DNAJB4: variants seen among roughly 807,000 people sequenced by gnomAD.
DNAJB4 encodes DnaJ heat shock protein family (Hsp40) member B4, also known as dnaJ homolog subfamily B member 4.
DNAJB4 carries 10 observed loss-of-function variants against 26.6 expected under a neutral mutation model. The ratio of observed to expected loss-of-function variants is 0.38; its 90% CI spans 0.23 to 0.64. DNAJB4 has a LOEUF of 0.64. Among genes scored for constraint, DNAJB4 ranks in the 30% least tolerant of loss-of-function variants. DNAJB4 has a pLI of 0.58. For synonymous variants in DNAJB4, 136 were observed against 134.8 expected (o/e 1.01, Z -0.06); for missense variants, 328 against 408.2 (o/e 0.80, Z 1.69).
chr1:77,988,015 ATGTG>A (rs1217967124), intron 1 of DNAJB4, among the ~76,000 whole-genome samples: 2 of 145,012 alleles, frequency 1.4e-5, no homozygotes, highest in Non-Finnish European at 3.0e-5. Flanking sequence ...TTATATATAT[ATGTG>A]TGTGTGTGTA....
intron 1 of DNAJB4, among the ~76,000 whole-genome samples, chr1:78,006,328 T>C (rs376592603): frequency 4.1e-4 from 62 of 152,338 alleles, no homozygotes; most frequent in Middle Eastern, 3.4e-3. Flanking sequence ...TAACTTGTAC[T>C]GTTTTGGGGA....
In DNAJB4 at chr1:77,988,029, A is replaced by AT. The variant is rs1166224217; in HGVS notation, c.-32+7710dup. Among the ~76,000 whole-genome samples, 507 of 116,796 alleles carry AT rather than the reference A, an allele frequency of 4.3e-3. 4 individuals carry two copies. The highest frequency in any genetic ancestry group is 5.2e-3 in the Non-Finnish European group (305 of 58,506). The allele number at this position is 116,796 out of a possible 152,430, so 76.6% of individuals were successfully genotyped here. A position where few individuals can be genotyped will look rare whatever the true frequency, so the allele number is the denominator to read the frequency against. On this transcript the variant is annotated intron_variant, in intron 1 of 2. Coordinates refer to the DNAJB4 transcript ENST00000426517. ...ATTATATATATATGTGTGTGTGTGT[A>AT]TTTCCCCCCCCCCCCAGACAGTGTC... is the stretch of plus-strand genomic sequence containing the variant.
intron 1 of DNAJB4, among the ~76,000 whole-genome samples, chr1:77,998,388 A>G (rs1557505491): frequency 6.6e-6 from 1 of 152,248 alleles, no homozygotes; most frequent in Non-Finnish European, 1.5e-5. Flanking sequence ...AACTACTGTC[A>G]TTGCCTAAAA....
intron 1 of DNAJB4, among the ~76,000 whole-genome samples, chr1:77,995,939 C>T (rs759347196): frequency 1.2e-4 from 18 of 152,198 alleles, no homozygotes; most frequent in Non-Finnish European, 2.1e-4. Flanking sequence ...GAGTGAGATT[C>T]TGTCTCAAAA....
In DNAJB4 at chr1:77,995,744, C is replaced by T. The variant is rs534613979; in HGVS notation, c.-31-9336C>T. Among the ~76,000 whole-genome samples, 14 of 152,296 alleles carry T rather than the reference C, an allele frequency of 9.2e-5. No homozygotes were observed. The South Asian group carries it at 1.2e-3, about 14-fold the overall frequency. ...CTGGGATTACAAGTGTGAGCTATCACCCTGGGCCTAACTCAGTGTTTAAAA... is the reference window on the plus strand; with the variant it reads ...CTGGGATTACAAGTGTGAGCTATCATCCTGGGCCTAACTCAGTGTTTAAAA... On this transcript the variant is annotated intron_variant, in intron 1 of 2. Transcript: ENST00000426517.
chr1:77,982,643 C>G (rs1284382462), intron 1 of DNAJB4, among the ~76,000 whole-genome samples: 1 of 152,136 alleles, frequency 6.6e-6, no homozygotes, highest in African/African-American at 2.4e-5. Context: ...ACTAAAAATA[C>G]AAAAATTAGC....
chr1:78,012,352 C>T (rs1413257831), intron 1 of DNAJB4, among the ~76,000 whole-genome samples: 7 of 150,742 alleles, frequency 4.6e-5, no homozygotes, highest in South Asian at 2.1e-4. Flanking sequence ...TTAGTGGAGG[C>T]GGGGTTTCAC....
At chr1:78,001,720 G>A (rs1660199493), upstream of DNAJB4, among the ~76,000 whole-genome samples, 1 of 152,024 alleles carries the variant, frequency 6.6e-6, no homozygotes, top group Admixed American at 6.6e-5. Flanking sequence ...TAGAGATAAG[G>A]TCTCATTATG....
chr1:77,985,000 T>C (rs1438337750), intron 1 of DNAJB4, among the ~76,000 whole-genome samples: 1 of 152,224 alleles, frequency 6.6e-6, no homozygotes, highest in African/African-American at 2.4e-5. Flanking sequence ...CTTTATTTTG[T>C]GAACTGTCTT....
At chr1:78,015,699 G>A (rs1226416349) in intron 2 of DNAJB4, among the ~76,000 whole-genome samples, 2 of 151,520 alleles carry the variant, frequency 1.3e-5, no homozygotes, top group Non-Finnish European at 2.9e-5. Context: ...ACAGGCATGT[G>A]CCACCACGCT....
chr1:78,000,951 CTA>C (rs748835808), upstream of DNAJB4, among the ~76,000 whole-genome samples: 9 of 151,738 alleles, frequency 5.9e-5, no homozygotes, highest in Non-Finnish European at 1.2e-4. Flanking sequence ...CCACTGCACT[CTA>C]TTCTGGACCA....
intron 1 of DNAJB4, among the ~76,000 whole-genome samples, chr1:78,011,047 G>A (rs1660458296): frequency 6.6e-6 from 1 of 152,062 alleles, no homozygotes; most frequent in African/African-American, 2.4e-5. Flanking sequence ...ATAGTTTTAT[G>A]ATTTTTAGAT....
At chr1:77,979,517 C>G (rs1659423856), upstream of DNAJB4, 2 of 155,012 alleles carry the variant, frequency 1.3e-5, no homozygotes, top group Admixed American at 6.5e-5. Context: ...CTCGAGAGCG[C>G]TGCCGCCCGG....
intron 1 of DNAJB4, among the ~76,000 whole-genome samples, chr1:77,983,779 T>A (rs1394854058): frequency 6.6e-6 from 1 of 152,190 alleles, no homozygotes; most frequent in African/African-American, 2.4e-5. Context: ...GAGTCTCCTA[T>A]GTCTACTTCT....
rs1418727232 is a variant in DNAJB4 at position 78,017,268 on chromosome 1, C to A, written c.*1021C>A. ...TTTACTTTTTCACATGTATAGATTG[C>A]ATTTCTTAGGTGTTTTAATTTTTTA... On this transcript the variant is annotated 3_prime_UTR_variant, in exon 3 of 3. Coordinates refer to ENST00000370763, the MANE Select transcript of DNAJB4 (RefSeq NM_007034.5). 6.6e-6 allele frequency: 1 copy of A among 151,732 alleles called. No homozygotes were observed. Among genetic ancestry groups the A allele is most frequent in the African/African-American group, 2.4e-5 (1 of 41,364 alleles). The allele number at this position is 151,732 out of a possible 1,614,324, so 9.4% of individuals were successfully genotyped here.
upstream of DNAJB4, chr1:77,979,576 A>C (rs1244847893): frequency 6.5e-6 from 1 of 154,500 alleles, no homozygotes; most frequent in African/African-American, 2.4e-5. Context: ...GATGCTCCTG[A>C]AAACGTCTGC....
chr1:78,003,561 T>C (rs1238051129), upstream of DNAJB4, among the ~76,000 whole-genome samples: 1 of 152,202 alleles, frequency 6.6e-6, no homozygotes, highest in Admixed American at 6.5e-5. Flanking sequence ...TATTATATTC[T>C]AAACATATAT....
chr1:78,014,264 C>T (rs1472123971), intron 2 of DNAJB4, among the ~76,000 whole-genome samples: 3 of 151,844 alleles, frequency 2.0e-5, no homozygotes, highest in African/African-American at 7.3e-5. Flanking sequence ...CCCCCCACCA[C>T]ACCTGGCTAA....
In DNAJB4 at chr1:78,010,383, T is replaced by TA. The variant is rs572371498; in HGVS notation, c.212-2658dup. ...CTTGAGCTACATATTATTCTATCAT[T>TA]AAAAAAAAAATCTGCCATTACCTTT... On this transcript the variant is annotated intron_variant, in intron 1 of 2. Transcript: ENST00000370763. 3.5e-3 allele frequency among the ~76,000 whole-genome samples: 518 copies of TA among 148,568 alleles called. 2 individuals carry two copies. Among genetic ancestry groups the TA allele is most frequent in the African/African-American group, 0.011 (450 of 40,772 alleles).
Sources: gnomAD v4.1 joint callset for allele counts (sites outside exome capture counted in the v4.1 genomes callset) on GRCh38, gnomAD v4.1.1 for gene constraint, MANE v1.5 for transcripts, NCBI Gene and HGNC (gene_info 2026-07-23, HGNC 2026-07-21) for gene names.